ITGA8: variants seen among roughly 807,000 people sequenced by gnomAD.
ITGA8 encodes integrin alpha-8.
Under a neutral mutation model 142.3 loss-of-function variants are expected in ITGA8, and 91 were observed. That is an observed-to-expected ratio of 0.64 (90% confidence interval 0.54 to 0.76). The LOEUF (loss-of-function observed/expected upper bound fraction) is 0.76. Among genes scored for constraint, ITGA8 ranks in the 30% least tolerant of loss-of-function variants. ITGA8 has a pLI of 0.00. For synonymous variants in ITGA8, 505 were observed against 485.2 expected, an observed-to-expected ratio of 1.04 and a Z score of -0.54; for missense variants, 1,406 against 1,327.7, an observed-to-expected ratio of 1.06 and a Z score of -0.92.
rs143553238 is a variant in ITGA8, at chr10:15,706,607, T to C, written c.343+12159A>G. 4.5e-3 allele frequency among the ~76,000 whole-genome samples: 684 copies of C among 152,112 alleles called. 8 individuals are homozygous for C. Among genetic ancestry groups the C allele is most frequent in the African/African-American group, 0.015 (640 of 41,500 alleles). On this transcript the variant is annotated intron_variant, in intron 2 of 29. Transcript: ENST00000378076. ...GGTGCACACTACTGCACCTGCTAAT[T>C]TTTTAACTTTTTTGTAGAGATAGGA...
chr10:15,535,383 G>C (rs777740996), intron 27 of ITGA8, among the ~76,000 whole-genome samples: 55 of 152,238 alleles, frequency 3.6e-4, no homozygotes, highest in Non-Finnish European at 2.1e-4. Context: ...TCCACTAGGC[G>C]AAGCCAGCTG....
intron 13 of ITGA8, among the ~76,000 whole-genome samples, chr10:15,638,616 G>T (rs1388621539): frequency 1.3e-5 from 2 of 152,194 alleles, no homozygotes; most frequent in Non-Finnish European, 2.9e-5. Flanking sequence ...CATTGCTGTT[G>T]ATAAGTGTGG....
At chr10:15,617,030 G>T (rs1833406610) in intron 13 of ITGA8, among the ~76,000 whole-genome samples, 1 of 152,200 alleles carries the variant, frequency 6.6e-6, no homozygotes, top group Admixed American at 6.5e-5. Flanking sequence ...TTTACAAATA[G>T]TATGGGTGGT....
chr10:15,676,506 C>T (rs1364091048), intron 6 of ITGA8, among the ~76,000 whole-genome samples: 1 of 152,020 alleles, frequency 6.6e-6, no homozygotes, highest in African/African-American at 2.4e-5. Context: ...TTGTGTATCA[C>T]AGTTGGGGTT....
rs1446102380 is a variant in ITGA8, at chr10:15,596,971, A to G, written c.2211+236T>C. On this transcript the variant is annotated intron_variant, in intron 21 of 29. Transcript: ENST00000378076. ...AATTGTTGTAACTAAAAGACAGGCA[A>G]GAGTAATGTATAAAGAGAAAGCATA... 12 of 442,862 alleles carry G rather than the reference A, an allele frequency of 2.7e-5. No individual in the cohort carries two copies. In the East Asian group the frequency reaches 4.0e-4, roughly 15 times the overall value. 27.4% of individuals were successfully genotyped at this position (442,862 alleles called of 1,614,324 possible). A position where few individuals can be genotyped will look rare whatever the true frequency, so the allele number is the denominator to read the frequency against.
intron 22 of ITGA8, 66 bp downstream of exon 22, chr10:15,592,159 A>G: frequency 8.3e-7 from 1 of 1,211,040 alleles, no homozygotes; most frequent in Non-Finnish European, 1.2e-6. Context: ...GACAGATGAC[A>G]TCATTTCACT....
chr10:15,580,124 T>C (rs982052080), intron 23 of ITGA8, among the ~76,000 whole-genome samples: 1 of 18,860 alleles, frequency 5.3e-5, no homozygotes, highest in Non-Finnish European at 1.2e-4. Flanking sequence ...GATCAGAAAA[T>C]GTAAAAAAAA....
chr10:15,552,736 C>T (rs1833813788), intron 26 of ITGA8, among the ~76,000 whole-genome samples: 6 of 152,158 alleles, frequency 3.9e-5, no homozygotes, highest in Admixed American at 2.6e-4. Flanking sequence ...TCCCTGTGTC[C>T]ATGTGTTCTC....
At chr10:15,619,422 C>T (rs1478436812) in intron 13 of ITGA8, among the ~76,000 whole-genome samples, 3 of 152,152 alleles carry the variant, frequency 2.0e-5, no homozygotes, top group African/African-American at 7.2e-5. Flanking sequence ...TATTTAAAAA[C>T]ATGTGCATGC....
Position 15,684,118 on chromosome 10 carries a change from G to A in ITGA8, c.454C>T (p.Pro152Ser). Residue 152 changes from proline (P) to serine (S), a missense_variant, in exon 4 of 30, where the codon CCT (proline) becomes TCT (serine). Coordinates refer to ENST00000378076, the MANE Select transcript of ITGA8 (RefSeq NM_003638.3). The stretch of plus-strand genomic sequence containing the variant: ...TTAAGAGTTCTCCAGTGATATAAAG[G>A]AGCACAGGCCTAGGAAACATCAAAG... ...AHKGKVVACA[P>S]LYHWRTLKPT... 1 of 1,613,942 alleles carries A rather than the reference G, an allele frequency of 6.2e-7. No homozygotes were observed. Among genetic ancestry groups the A allele is most frequent in the Non-Finnish European group, 8.5e-7 (1 of 1,179,962 alleles).
intron 2 of ITGA8, among the ~76,000 whole-genome samples, chr10:15,705,594 G>A (rs1274802669): frequency 1.3e-5 from 2 of 152,150 alleles, no homozygotes; most frequent in African/African-American, 4.8e-5. Context: ...CTATAATCAA[G>A]CTATAATACC....
intron 27 of ITGA8, among the ~76,000 whole-genome samples, chr10:15,540,383 A>G (rs1833545155): frequency 6.6e-6 from 1 of 152,124 alleles, no homozygotes. Context: ...GAGTGAGAAC[A>G]TGTGATATTT....
intron 28 of ITGA8, among the ~76,000 whole-genome samples, chr10:15,522,139 A>T (rs1833083964): frequency 6.6e-6 from 1 of 152,248 alleles, no homozygotes; most frequent in African/African-American, 2.4e-5. Context: ...GAGACAATAG[A>T]TATCCTAAAT....
intron 23 of ITGA8, among the ~76,000 whole-genome samples, chr10:15,577,253 A>G (rs1024393282): frequency 6.6e-6 from 1 of 152,226 alleles, no homozygotes; most frequent in African/African-American, 2.4e-5. Context: ...AGGACTGGCC[A>G]TAAATTCCCT....
Position 15,613,665 on chromosome 10 carries a change from A to T in ITGA8, c.1548T>A (p.Ala516=). 6.2e-7 allele frequency: 1 copy of T among 1,604,494 alleles called. No homozygotes were observed. Among genetic ancestry groups the T allele is most frequent in the Non-Finnish European group, 8.5e-7 (1 of 1,171,278 alleles). ...GAAGCACCGGACTAACTCACCAGGC[A>T]GCAGATGTCATAGAGTCTGGAACCT... The part of the protein sequence containing the change: ...TCQVPDSMTS[A]ACFSLRVCAS... The change falls in exon 15 of 30, where the codon GCT becomes GCA. Residue 516 remains alanine (A), a synonymous_variant. Transcript: ENST00000378076.
chr10:15,666,773 T>C (rs546411463), intron 8 of ITGA8, among the ~76,000 whole-genome samples: 1 of 152,376 alleles, frequency 6.6e-6, no homozygotes, highest in East Asian at 1.9e-4. Flanking sequence ...TCTATTGAGA[T>C]AATCATGTGG....
intron 8 of ITGA8, among the ~76,000 whole-genome samples, chr10:15,666,080 T>G (rs1344109154): frequency 6.6e-6 from 1 of 152,248 alleles, no homozygotes; most frequent in African/African-American, 2.4e-5. Flanking sequence ...TTGATGGGGA[T>G]GGCATTGAAT....
intron 20 of ITGA8, among the ~76,000 whole-genome samples, chr10:15,599,877 C>T (rs900526605): frequency 2.0e-5 from 3 of 151,990 alleles, no homozygotes; most frequent in Admixed American, 6.5e-5. Flanking sequence ...GCTGAGATCG[C>T]GCCATTGCAC....
Position 15,673,529 on chromosome 10 carries a change from T to TTTG in ITGA8, c.677-781_677-780insCAA, listed in dbSNP as rs373551352. On this transcript the variant is annotated intron_variant, in intron 6 of 29. Coordinates refer to ENST00000378076, the MANE Select transcript of ITGA8 (RefSeq NM_003638.3). ...GTCATATGGTTTTGCTAATAGGATA[T>TTTG]CAGGCATTACAGCCAACATTTCCTT... Among the ~76,000 whole-genome samples, 640 of 152,334 alleles carry TTTG rather than the reference T, an allele frequency of 4.2e-3. 8 individuals are homozygous for TTTG. Among genetic ancestry groups the TTTG allele is most frequent in the African/African-American group, 0.015 (620 of 41,572 alleles).
Sources: allele counts gnomAD v4.1 joint callset (sites outside exome capture counted in the v4.1 genomes callset), GRCh38; gene constraint gnomAD v4.1.1; transcripts MANE v1.5; gene names NCBI Gene and HGNC (gene_info 2026-07-23, HGNC 2026-07-21).